Variants in NELL2 observed in about 807,000 individuals in gnomAD.
NELL2 encodes neural EGFL like 2, also known as protein kinase C-binding protein NELL2.
In NELL2, 41 loss-of-function variants were observed where a neutral mutation model predicts 109.6. That is an observed-to-expected ratio of 0.37 (90% CI 0.29 to 0.49). The LOEUF (loss-of-function observed/expected upper bound fraction) is 0.49, where lower values mean the gene tolerates loss of function less well. Among genes scored for constraint, NELL2 ranks in the 20% least tolerant of loss-of-function variants. NELL2 has a pLI of 0.98. For missense variants in NELL2, 900 were observed against 1,008.3 expected, an observed-to-expected ratio of 0.89 and a Z score of 1.45; for synonymous variants, 355 against 344.7, an observed-to-expected ratio of 1.03 and a Z score of -0.33.
intron 15 of NELL2, among the ~76,000 whole-genome samples, chr12:44,593,022 G>C (rs942641524): frequency 1.3e-5 from 2 of 152,136 alleles, no homozygotes; most frequent in Non-Finnish European, 2.9e-5. Context: ...TGCTTTGAGG[G>C]GAATGAAGGA....
chr12:44,876,884 C>T (rs564998988), upstream of NELL2: 83 of 1,284,368 alleles, frequency 6.5e-5, no homozygotes, highest in African/African-American at 1.2e-3. Flanking sequence ...CTGGGAAGCC[C>T]CGGGTGTCCT....
rs1231876313 is a variant in NELL2, at chr12:44,512,341, G to A, written c.2401-3357C>T. Among the ~76,000 whole-genome samples, 4 of 152,216 alleles carry A rather than the reference G, an allele frequency of 2.6e-5. No homozygotes were observed. In the East Asian group the frequency reaches 7.7e-4, roughly 29 times the overall value. On this transcript the variant is annotated intron_variant, in intron 19 of 19. Coordinates refer to ENST00000429094, the MANE Select transcript of NELL2 (RefSeq NM_001145108.2). ...AGGAACAAATTACAAATGCTGGTGA[G>A]GATGCAGAGAAACAGGAACCCTTGT...
At chr12:44,801,545 G>T (rs569108858) in intron 3 of NELL2, among the ~76,000 whole-genome samples, 43 of 152,192 alleles carry the variant, frequency 2.8e-4, no homozygotes, top group African/African-American at 9.4e-4. Context: ...CAAGTAGCCT[G>T]GTTCAAATGT....
rs916746611 is a variant in NELL2 at position 44,607,326 on chromosome 12, A to G, written c.1568-62T>C. Reference sequence around the variant, plus strand: ...AAGTAAGTAGTTTAATAAACTCCAAACCTAGCTTTTCATTATCCCCTTGGA... The same window carrying G: ...AAGTAAGTAGTTTAATAAACTCCAAGCCTAGCTTTTCATTATCCCCTTGGA... On this transcript the variant is annotated intron_variant, in intron 14 of 19. Coordinates refer to ENST00000429094, the MANE Select transcript of NELL2 (RefSeq NM_001145108.2). 3.6e-5 allele frequency: 48 copies of G among 1,339,620 alleles called. 1 individual carries two copies. The highest frequency in any genetic ancestry group is 9.3e-5 in the South Asian group (7 of 75,674). The allele number at this position is 1,339,620 out of a possible 1,614,324, so 83.0% of individuals were successfully genotyped here.
chr12:44,746,426 A>G (rs2136514591), intron 9 of NELL2, among the ~76,000 whole-genome samples: 1 of 152,336 alleles, frequency 6.6e-6, no homozygotes, highest in East Asian at 1.9e-4. Flanking sequence ...AGCAATGGCA[A>G]CAAAAGACAA....
intron 2 of NELL2, among the ~76,000 whole-genome samples, chr12:44,817,984 T>G (rs1184955935): frequency 6.6e-6 from 1 of 152,154 alleles, no homozygotes; most frequent in East Asian, 1.9e-4. Flanking sequence ...CTTGGGACAG[T>G]TGTTCAAAGT....
At chr12:44,563,593 TGTGA>T (rs1007915293) in intron 15 of NELL2, among the ~76,000 whole-genome samples, 1 of 152,202 alleles carries the variant, frequency 6.6e-6, no homozygotes, top group African/African-American at 2.4e-5. Context: ...AGGACACATT[TGTGA>T]GTAATTACAA....
chr12:44,731,901 C>T (rs111238840), intron 9 of NELL2, among the ~76,000 whole-genome samples: 9 of 151,912 alleles, frequency 5.9e-5, no homozygotes, highest in South Asian at 2.1e-4. Context: ...AATCAACATA[C>T]GAAAATTGGT....
intron 15 of NELL2, among the ~76,000 whole-genome samples, chr12:44,576,476 CATT>C (rs1227153913): frequency 6.6e-6 from 1 of 151,994 alleles, no homozygotes; most frequent in Non-Finnish European, 1.5e-5. Context: ...TCAACATCAT[CATT>C]ATTACCATCT....
intron 13 of NELL2, among the ~76,000 whole-genome samples, chr12:44,629,236 T>C (rs1357880185): frequency 9.2e-5 from 14 of 152,172 alleles, no homozygotes. Context: ...AAAGGCAAAA[T>C]ATCAGGTTAG....
At chr12:44,685,243 C>CT (rs904213978) in intron 12 of NELL2, among the ~76,000 whole-genome samples, 4 of 151,784 alleles carry the variant, frequency 2.6e-5, no homozygotes, top group Non-Finnish European at 5.9e-5. Context: ...CAACCCCTGC[C>CT]TTTTTTTGTT....
intron 9 of NELL2, among the ~76,000 whole-genome samples, chr12:44,732,842 G>C (rs537852320): frequency 6.6e-6 from 1 of 151,788 alleles, no homozygotes; most frequent in Non-Finnish European, 1.5e-5. Context: ...AATTTCCACA[G>C]CTCAATGGCA....
At chr12:44,568,919 G>C (rs1196088585) in intron 15 of NELL2, among the ~76,000 whole-genome samples, 1 of 151,956 alleles carries the variant, frequency 6.6e-6, no homozygotes, top group Non-Finnish European at 1.5e-5. Context: ...TGTATGTGCA[G>C]GTTTGTTACA....
chr12:44,713,835 T>C (rs1448978292), intron 10 of NELL2, among the ~76,000 whole-genome samples: 3 of 151,934 alleles, frequency 2.0e-5, no homozygotes, highest in African/African-American at 7.2e-5. Context: ...TTATTGGTGG[T>C]GCCAGCAGCA....
chr12:44,548,080 C>T (rs1372726341), intron 15 of NELL2, among the ~76,000 whole-genome samples: 2 of 152,120 alleles, frequency 1.3e-5, no homozygotes, highest in Non-Finnish European at 2.9e-5. Context: ...TCATTCCCTC[C>T]ACTTCTAGAA....
At chr12:44,719,794 C>A (rs2136451830) in intron 9 of NELL2, among the ~76,000 whole-genome samples, 2 of 152,114 alleles carry the variant, frequency 1.3e-5, no homozygotes, top group East Asian at 3.9e-4. Flanking sequence ...GCAGTTACTT[C>A]ATTCTGAGCC....
chr12:44,767,157 T>G (rs1218491582), intron 9 of NELL2, among the ~76,000 whole-genome samples: 1 of 152,192 alleles, frequency 6.6e-6, no homozygotes, highest in Non-Finnish European at 1.5e-5. Context: ...TGGAATTTAT[T>G]GAAGATGCAG....
chr12:44,716,393 T>C (rs1938487315), intron 9 of NELL2, among the ~76,000 whole-genome samples: 1 of 152,146 alleles, frequency 6.6e-6, no homozygotes, highest in Non-Finnish European at 1.5e-5. Context: ...GCACTAATCA[T>C]ATGACTTAAA....
In NELL2 at chr12:44,792,341, A is replaced by G. The variant is rs148311920; in HGVS notation, c.336-12319T>C. ...GAAGGTAAATGCTGAGAGACATGTCAAGAGATTTTTTCTTCATTTTTACTG... is the reference window on the plus strand; with the variant it reads ...GAAGGTAAATGCTGAGAGACATGTCGAGAGATTTTTTCTTCATTTTTACTG... On this transcript the variant is annotated intron_variant, in intron 3 of 19. Transcript: ENST00000429094. Among the ~76,000 whole-genome samples, 884 of 152,266 alleles carry G rather than the reference A, an allele frequency of 5.8e-3. 8 individuals are homozygous for G. The highest frequency in any genetic ancestry group is 0.02 in the African/African-American group (816 of 41,570).
Sources: allele counts gnomAD v4.1 joint callset (sites outside exome capture counted in the v4.1 genomes callset), GRCh38; gene constraint gnomAD v4.1.1; transcripts MANE v1.5; gene names NCBI Gene and HGNC (gene_info 2026-07-23, HGNC 2026-07-21).